Variants in GPC3 observed in about 807,000 individuals in gnomAD.
GPC3 encodes the protein glypican-3.
In GPC3, 3 loss-of-function variants were observed where a neutral mutation model predicts 34.4. That is an observed-to-expected ratio of 0.09 (90% CI 0.04 to 0.23). GPC3 has a LOEUF of 0.23. GPC3 is among the 10% of genes least tolerant of loss of function. The probability of loss-of-function intolerance (pLI) is 1.00; values close to 1 mark genes in which losing one functional copy is unlikely to be tolerated. For missense variants in GPC3, 351 were observed against 445.6 expected, an observed-to-expected ratio of 0.79 and a Z score of 1.91; for synonymous variants, 177 against 174.0, an observed-to-expected ratio of 1.02 and a Z score of -0.13.
chrX:133,563,968 G>A (rs1248586334), intron 7 of GPC3, among the ~76,000 whole-genome samples: 1 of 109,866 alleles, frequency 9.1e-6, no homozygotes, highest in African/African-American at 3.3e-5. Flanking sequence ...TCCAAATTAT[G>A]AAATCATAAC....
At chrX:133,955,438 T>C (rs1231592856) in intron 1 of GPC3, among the ~76,000 whole-genome samples, 1 of 111,209 alleles carries the variant, frequency 9.0e-6, no homozygotes, top group African/African-American at 3.3e-5. Flanking sequence ...TCCCTCCTCA[T>C]TTTCCTTCAT....
intron 3 of GPC3, among the ~76,000 whole-genome samples, chrX:133,732,238 A>T (rs1248324902): frequency 1.8e-5 from 2 of 111,767 alleles, no homozygotes; most frequent in Admixed American, 1.9e-4. Flanking sequence ...GGAAAAAAGA[A>T]AGCAGCATCC....
chrX:133,907,994 G>A (rs1251296150), intron 2 of GPC3, among the ~76,000 whole-genome samples: 1 of 109,864 alleles, frequency 9.1e-6, no homozygotes. Flanking sequence ...GTAAAAAATG[G>A]TATCCCATTG....
chrX:133,658,868 G>GA (rs1466730042), intron 6 of GPC3, among the ~76,000 whole-genome samples: 1 of 110,048 alleles, frequency 9.1e-6, no homozygotes, highest in Admixed American at 9.6e-5. Context: ...TTTTGTGGCT[G>GA]AAAGTTAGAG....
rs755411148 is a variant in GPC3 at position 133,572,402 on chromosome X, A to G, written c.1573+24038T>C. Reference sequence around the variant, plus strand: ...CATTAAACAAGAAGGAAGATTTCAAATCAATAACTCAAGCAAACTAAACCC... The same window carrying G: ...CATTAAACAAGAAGGAAGATTTCAAGTCAATAACTCAAGCAAACTAAACCC... On this transcript the variant is annotated intron_variant, in intron 7 of 7. Transcript: ENST00000370818. 3.6e-5 allele frequency among the ~76,000 whole-genome samples: 4 copies of G among 111,703 alleles called. No homozygotes were observed. The East Asian group carries it at 1.1e-3, about 31-fold the overall frequency.
At chrX:133,691,839 G>A (rs2071067262) in intron 5 of GPC3, among the ~76,000 whole-genome samples, 1 of 112,427 alleles carries the variant, frequency 8.9e-6, no homozygotes, top group African/African-American at 3.2e-5. Context: ...AAAGAAAGTT[G>A]TTTTATGCTT....
chrX:133,778,230 G>T (rs1032368316), intron 2 of GPC3, among the ~76,000 whole-genome samples: 2 of 111,540 alleles, frequency 1.8e-5, no homozygotes, highest in Non-Finnish European at 3.8e-5. Flanking sequence ...GAATTATATT[G>T]GGATGGTTAC....
intron 7 of GPC3, among the ~76,000 whole-genome samples, chrX:133,591,163 G>C (rs994073418): frequency 8.9e-6 from 1 of 111,839 alleles, no homozygotes; most frequent in Non-Finnish European, 1.9e-5. Context: ...AGATACAAGA[G>C]AGTCTTAACA....
intron 3 of GPC3, among the ~76,000 whole-genome samples, chrX:133,740,698 C>T (rs2071555652): frequency 9.0e-6 from 1 of 111,547 alleles, no homozygotes; most frequent in Non-Finnish European, 1.9e-5. Flanking sequence ...ATAAGAAAGA[C>T]ACAGAGCTTG....
rs759764431 is a variant in GPC3, at chrX:133,974,043, G to T, written c.175+11232C>A. Among the ~76,000 whole-genome samples, 4 of 110,751 alleles carry T rather than the reference G, an allele frequency of 3.6e-5. No individual in the cohort carries two copies. In the East Asian group the frequency reaches 1.1e-3, roughly 31 times the overall value. The stretch of plus-strand genomic sequence containing the variant: ...GCTAATAACTTTCAGCGTTTTTTTT[G>T]TTTTGTTTTGTTTTGTTTTGTTTTT... On this transcript the variant is annotated intron_variant, in intron 1 of 7. Transcript: ENST00000370818.
intron 2 of GPC3, among the ~76,000 whole-genome samples, chrX:133,880,549 T>C (rs989519611): frequency 1.8e-5 from 2 of 112,070 alleles, no homozygotes; most frequent in Non-Finnish European, 3.8e-5. Flanking sequence ...CCATTCCACA[T>C]TGATGTTTGT....
At chrX:133,799,948 A>G (rs1031490675) in intron 2 of GPC3, among the ~76,000 whole-genome samples, 1 of 112,087 alleles carries the variant, frequency 8.9e-6, no homozygotes, top group East Asian at 2.8e-4. Context: ...TGATGAGTCA[A>G]TATGTCAACA....
At chrX:133,928,979 A>G (rs2076286710) in intron 2 of GPC3, among the ~76,000 whole-genome samples, 1 of 111,867 alleles carries the variant, frequency 8.9e-6, no homozygotes, top group Non-Finnish European at 1.9e-5. Context: ...TTGCTTTTGT[A>G]GCCTGAGCTT....
At chrX:133,684,327 C>T (rs1266788188) in intron 5 of GPC3, among the ~76,000 whole-genome samples, 1 of 111,717 alleles carries the variant, frequency 9.0e-6, no homozygotes, top group Non-Finnish European at 1.9e-5. Context: ...GTCCCTCTGT[C>T]CCTCCCACCA....
chrX:133,708,281 C>G (rs369522706), intron 3 of GPC3, among the ~76,000 whole-genome samples: 1 of 112,006 alleles, frequency 8.9e-6, no homozygotes, highest in South Asian at 3.7e-4. Context: ...TTCCCATTAT[C>G]TGGTTTTTCA....
chrX:133,782,029 T>C (rs916632727), intron 2 of GPC3, among the ~76,000 whole-genome samples: 2 of 111,809 alleles, frequency 1.8e-5, no homozygotes, highest in Non-Finnish European at 3.8e-5. Context: ...CTACAAATCA[T>C]GCAGACCACA....
chrX:133,880,544 C>G (rs1213339617), intron 2 of GPC3, among the ~76,000 whole-genome samples: 1 of 111,926 alleles, frequency 8.9e-6, no homozygotes, highest in African/African-American at 3.2e-5. Flanking sequence ...AAAGACCATT[C>G]CACATTGATG....
At chrX:133,648,555 T>A (rs1015672576) in intron 6 of GPC3, among the ~76,000 whole-genome samples, 4 of 112,137 alleles carry the variant, frequency 3.6e-5, no homozygotes, top group African/African-American at 1.3e-4. Context: ...ACATTACTGA[T>A]GTTAACTGAT....
chrX:133,726,553 T>C (rs975358265), intron 3 of GPC3, among the ~76,000 whole-genome samples: 2 of 110,984 alleles, frequency 1.8e-5, no homozygotes, highest in Non-Finnish European at 3.8e-5. Flanking sequence ...ACTTCCGTAA[T>C]CACTCATCTG....
Sources: allele counts gnomAD v4.1 joint callset (sites outside exome capture counted in the v4.1 genomes callset), GRCh38; gene constraint gnomAD v4.1.1; transcripts MANE v1.5; gene names NCBI Gene and HGNC (gene_info 2026-07-23, HGNC 2026-07-21).